The following TBC1D2B variants were observed in gnomAD, a reference collection of about 807,000 sequenced individuals.
TBC1D2B encodes TBC1 domain family, member 2B.
TBC1D2B carries 64 observed loss-of-function variants against 100.8 expected under a neutral mutation model. The observed-to-expected ratio is 0.64, with a 90% CI of 0.52 to 0.78. The LOEUF (loss-of-function observed/expected upper bound fraction) is 0.78, where lower values mean the gene tolerates loss of function less well. Among genes scored for constraint, TBC1D2B ranks in the 30% least tolerant of loss-of-function variants. The pLI is 0.00. For synonymous variants in TBC1D2B, 480 were observed against 479.7 expected, an observed-to-expected ratio of 1.00 and a Z score of -0.01; for missense variants, 1,052 against 1,218.4, an observed-to-expected ratio of 0.86 and a Z score of 2.03.
At chr15:78,002,989 T>C in intron 11 of TBC1D2B, 1 of 234,580 alleles carries the variant, frequency 4.3e-6, no homozygotes, top group Non-Finnish European at 8.6e-6. Context: ...TCTCTGGGCC[T>C]CCATCTCCTC....
intron 9 of TBC1D2B, among the ~76,000 whole-genome samples, chr15:78,009,966 C>G (rs1447878082): frequency 7.1e-6 from 1 of 140,246 alleles, no homozygotes; most frequent in Non-Finnish European, 1.5e-5. Context: ...GAGAGCCAGA[C>G]TCCGTCTCAA....
chr15:78,019,910 G>A (rs1212966990), intron 6 of TBC1D2B, among the ~76,000 whole-genome samples: 1 of 151,618 alleles, frequency 6.6e-6, no homozygotes. Flanking sequence ...AAGGGGGGGG[G>A]AGACAGGGTC....
chr15:78,025,400 G>A lies in TBC1D2B; in HGVS notation c.945C>T (p.His315=), dbSNP rs1206967189. The A allele has an allele frequency of 6.2e-7, 1 of 1,613,894 alleles. No individual in the cohort carries two copies. The highest frequency in any genetic ancestry group is 2.2e-5 in the East Asian group (1 of 44,900). ...KDIIGSYKNR[H]SSGDPSSEGT... ...CTTCACTTGAAGGGTCACCACTGCTGTGACGATTTTTGTACGACCCAATTA... is the reference window on the plus strand; with the variant it reads ...CTTCACTTGAAGGGTCACCACTGCTATGACGATTTTTGTACGACCCAATTA... The change falls in exon 5 of 13, where the codon CAC becomes CAT. Residue 315 remains histidine, a synonymous_variant. Transcript: ENST00000300584.
rs983949634 is a variant in TBC1D2B at position 77,997,928 on chromosome 15, G to A, written c.*232C>T. On this transcript the variant is annotated 3_prime_UTR_variant, in exon 13 of 13. Transcript: ENST00000300584. ...AGGATCCACCAACCAGGCAGAAAGC[G>A]TGACTGAGATACGTGTAACCAAAAG... is the stretch of plus-strand genomic sequence containing the variant. 7.6e-5 allele frequency: 29 copies of A among 382,686 alleles called. No individual in the cohort carries two copies. The highest frequency in any genetic ancestry group is 5.0e-4 in the South Asian group (7 of 13,962). The allele number at this position is 382,686 out of a possible 1,614,324, so 23.7% of individuals were successfully genotyped here. A position where few individuals can be genotyped will look rare whatever the true frequency, so the allele number is the denominator to read the frequency against.
At chr15:78,057,257 T>C (rs138466379) in intron 1 of TBC1D2B, among the ~76,000 whole-genome samples, 133 of 152,302 alleles carry the variant, frequency 8.7e-4, no homozygotes, top group African/African-American at 3.0e-3. Flanking sequence ...TTTATCATAT[T>C]GTAGAAATTT....
chr15:78,006,390 AACAAT>A (rs1294043542), intron 10 of TBC1D2B, among the ~76,000 whole-genome samples: 1 of 152,196 alleles, frequency 6.6e-6, no homozygotes, highest in Non-Finnish European at 1.5e-5. Context: ...AACGCAACAG[AACAAT>A]ACATTTCTTG....
At chr15:78,007,336 G>A (rs553214564) in intron 10 of TBC1D2B, among the ~76,000 whole-genome samples, 6 of 152,332 alleles carry the variant, frequency 3.9e-5, no homozygotes, top group Admixed American at 2.0e-4. Flanking sequence ...AGGAAGAAAG[G>A]AGAGAGGCAA....
chr15:78,057,429 G>A (rs1198251349), intron 1 of TBC1D2B, among the ~76,000 whole-genome samples: 11 of 152,176 alleles, frequency 7.2e-5, no homozygotes, highest in African/African-American at 1.2e-4. Flanking sequence ...ATCACCTGAG[G>A]TCAGGAGTTC....
chr15:78,033,413 A>C (rs2072866144), intron 3 of TBC1D2B, among the ~76,000 whole-genome samples: 1 of 152,236 alleles, frequency 6.6e-6, no homozygotes, highest in Non-Finnish European at 1.5e-5. Context: ...GGAGACTATA[A>C]GGAGTATGAT....
At chr15:78,017,609 T>A (rs537648794) in intron 7 of TBC1D2B, among the ~76,000 whole-genome samples, 1 of 152,364 alleles carries the variant, frequency 6.6e-6, no homozygotes, top group East Asian at 1.9e-4. Context: ...TCATTCTTAC[T>A]TATCCAGTTT....
intron 8 of TBC1D2B, 91 bp downstream of exon 8, chr15:78,016,455 T>C (rs1248364335): frequency 5.7e-6 from 7 of 1,220,816 alleles, no homozygotes; most frequent in Non-Finnish European, 8.1e-6. Context: ...GACACACAGT[T>C]GTGTACGGCT....
chr15:78,050,392 T>C (rs1457584314), intron 2 of TBC1D2B, among the ~76,000 whole-genome samples: 1 of 152,258 alleles, frequency 6.6e-6, no homozygotes, highest in Non-Finnish European at 1.5e-5. Flanking sequence ...AGTGCTTTAG[T>C]ACTCATGAAC....
chr15:78,006,845 C>T (rs911568050), intron 10 of TBC1D2B, among the ~76,000 whole-genome samples: 3 of 152,176 alleles, frequency 2.0e-5, no homozygotes, highest in African/African-American at 4.8e-5. Context: ...CAAACATTTA[C>T]TGTGTGGGGT....
intron 3 of TBC1D2B, among the ~76,000 whole-genome samples, chr15:78,038,346 C>T (rs975307286): frequency 6.6e-6 from 1 of 152,204 alleles, no homozygotes; most frequent in Non-Finnish European, 1.5e-5. Context: ...GTGGGAGGAA[C>T]AGAGAAGGCT....
intron 11 of TBC1D2B, 175 bp from the exon 12 acceptor site, chr15:78,001,915 T>G (rs778071830): frequency 1.6e-6 from 1 of 608,026 alleles, no homozygotes; most frequent in Admixed American, 3.6e-5. Flanking sequence ...AGGCCAAGAC[T>G]CCTTTATTAC....
intron 6 of TBC1D2B, among the ~76,000 whole-genome samples, chr15:78,021,769 G>A (rs1411376753): frequency 2.0e-5 from 3 of 152,170 alleles, no homozygotes; most frequent in African/African-American, 7.2e-5. Flanking sequence ...AGAAATGTTG[G>A]AGGAAAAAAA....
At chr15:78,057,495 A>G (rs2073450412) in intron 1 of TBC1D2B, among the ~76,000 whole-genome samples, 1 of 152,136 alleles carries the variant, frequency 6.6e-6, no homozygotes, top group Non-Finnish European at 1.5e-5. Context: ...TATTTTTAAA[A>G]ATTAGCCAGG....
intron 1 of TBC1D2B, among the ~76,000 whole-genome samples, chr15:78,075,722 T>G (rs1329736945): frequency 1.3e-5 from 2 of 152,136 alleles, no homozygotes; most frequent in African/African-American, 4.8e-5. Context: ...CGAGTTGGTT[T>G]TCTTTGGGGA....
intron 1 of TBC1D2B, among the ~76,000 whole-genome samples, chr15:78,064,402 T>C (rs533493090): frequency 1.3e-5 from 2 of 152,158 alleles, no homozygotes; most frequent in African/African-American, 2.4e-5. Context: ...AAAATATATA[T>C]ACAGAATAGG....
Sources: gnomAD v4.1 joint callset for allele counts (sites outside exome capture counted in the v4.1 genomes callset) on GRCh38, gnomAD v4.1.1 for gene constraint, MANE v1.5 for transcripts, NCBI Gene and HGNC (gene_info 2026-07-23, HGNC 2026-07-21) for gene names.